Variants in ERC1 observed in about 807,000 individuals in gnomAD.
The protein encoded by ERC1 is RAB6 interacting protein 2.
In ERC1, 56 loss-of-function variants were observed where a neutral mutation model predicts 132.0. The observed-to-expected ratio is 0.42, with a 90% CI of 0.34 to 0.53. The LOEUF (loss-of-function observed/expected upper bound fraction) is 0.53. ERC1 is among the 20% of genes least tolerant of loss of function. ERC1 has a pLI of 0.03. For missense variants in ERC1, 1,202 were observed against 1,349.9 expected (o/e 0.89, Z 1.72); for synonymous variants, 478 against 476.1 (o/e 1.00, Z -0.05).
chr12:1,136,239 C>G (rs142101573), intron 7 of ERC1, among the ~76,000 whole-genome samples: 1 of 152,292 alleles, frequency 6.6e-6, no homozygotes, highest in Non-Finnish European at 1.5e-5. Context: ...TATGCTTTAG[C>G]AATTCTCTAT....
At position 1,056,211 on chromosome 12, in the gene ERC1, G is replaced by A. The variant is rs574079542; in HGVS notation, c.670-26953G>A. 4.0e-5 allele frequency among the ~76,000 whole-genome samples: 6 copies of A among 151,284 alleles called. No individual in the cohort carries two copies. The South Asian group carries it at 6.3e-4, about 16-fold the overall frequency. ...TTTATCTGTAATTCCTTTTTCCCCC[G>A]TAATGAACACGTTTCTAGTGTAATA... is the stretch of plus-strand genomic sequence containing the variant. On this transcript the variant is annotated intron_variant, in intron 2 of 18. Transcript: ENST00000360905.
chr12:1,418,632 TTTC>T lies in ERC1; in HGVS notation c.3024+10388_3024+10390del. Among the ~76,000 whole-genome samples, 4 of 109,646 alleles carry T rather than the reference TTTC, an allele frequency of 3.6e-5. 1 individual carries two copies. The highest frequency in any genetic ancestry group is 3.5e-4 in the Admixed American group (4 of 11,378). The allele number at this position is 109,646 out of a possible 152,430, so 71.9% of individuals were successfully genotyped here. A position where few individuals can be genotyped will look rare whatever the true frequency, so the allele number is the denominator to read the frequency against. On this transcript the variant is annotated intron_variant, in intron 17 of 18. Transcript: ENST00000360905. ...CTTTCTTTCTTTCTTTCTTTCTTTC[TTTC>T]TTTCTTTCTCTCTCTCTCTCTCTCT...
chr12:1,486,572 G>A (rs57724810), intron 18 of ERC1, among the ~76,000 whole-genome samples: 4,492 of 152,058 alleles, frequency 0.03, 231 homozygotes, highest in African/African-American at 0.1. Flanking sequence ...CTACAGGCAC[G>A]TGCCAGCATG....
intron 15 of ERC1, among the ~76,000 whole-genome samples, chr12:1,330,775 T>C (rs2082804225): frequency 6.6e-6 from 1 of 152,240 alleles, no homozygotes; most frequent in Non-Finnish European, 1.5e-5. Context: ...TTCTCTAATA[T>C]TTTGTTCTGC....
chr12:1,064,775 TTGGGATC>T (rs778184808), intron 2 of ERC1, among the ~76,000 whole-genome samples: 36 of 152,300 alleles, frequency 2.4e-4, no homozygotes, highest in Admixed American at 3.9e-4. Context: ...TGAATATGTT[TTGGGATC>T]TGTGAATACC....
intron 18 of ERC1, among the ~76,000 whole-genome samples, chr12:1,478,560 G>A (rs1384855272): frequency 1.3e-5 from 2 of 152,004 alleles, no homozygotes; most frequent in Non-Finnish European, 2.9e-5. Flanking sequence ...TTGGGAGGCC[G>A]AGGCGGGTGG....
At chr12:1,379,059 A>T (rs1002393530) in intron 16 of ERC1, among the ~76,000 whole-genome samples, 1 of 152,236 alleles carries the variant, frequency 6.6e-6, no homozygotes, top group African/African-American at 2.4e-5. Flanking sequence ...TGTAATACAC[A>T]TAGGGAATTT....
Position 1,329,273 on chromosome 12 carries a change from G to T in ERC1, c.2780+39261G>T, listed in dbSNP as rs183540328. ...CACGCCACTGCACTTCAGCTTGGGC[G>T]ACAGAGCAAGACTCTGAATCAAAAA... On this transcript the variant is annotated intron_variant, in intron 15 of 18. Coordinates refer to ENST00000360905, the MANE Select transcript of ERC1 (RefSeq NM_178040.4). Among the ~76,000 whole-genome samples the T allele has an allele frequency of 4.3e-5, 6 of 139,112 alleles. 1 individual carries two copies. The highest frequency in any genetic ancestry group is 1.6e-4 in the African/African-American group (6 of 36,392). The allele number at this position is 139,112 out of a possible 152,430, so 91.3% of individuals were successfully genotyped here. A position where few individuals can be genotyped will look rare whatever the true frequency, so the allele number is the denominator to read the frequency against.
chr12:1,333,577 C>T (rs555324478), intron 15 of ERC1, among the ~76,000 whole-genome samples: 3 of 152,030 alleles, frequency 2.0e-5, no homozygotes, highest in Non-Finnish European at 4.4e-5. Flanking sequence ...ATGATCCACC[C>T]ATCTCAGCCT....
chr12:1,446,431 C>G (rs1008785234), intron 18 of ERC1, among the ~76,000 whole-genome samples: 2 of 152,138 alleles, frequency 1.3e-5, no homozygotes, highest in Non-Finnish European at 2.9e-5. Context: ...ATTCCTTACC[C>G]CCTATAGATT....
chr12:1,025,282 C>T (rs912539563), intron 1 of ERC1, among the ~76,000 whole-genome samples: 1 of 152,094 alleles, frequency 6.6e-6, no homozygotes, highest in African/African-American at 2.4e-5. Context: ...ACATTTTTCC[C>T]CTTTATAACA....
intron 16 of ERC1, among the ~76,000 whole-genome samples, chr12:1,379,648 A>G (rs1476917798): frequency 6.6e-6 from 1 of 152,244 alleles, no homozygotes; most frequent in Non-Finnish European, 1.5e-5. Flanking sequence ...ACTGAGGGTC[A>G]GGAATTTGCA....
intron 5 of ERC1, among the ~76,000 whole-genome samples, 180 bp from the exon 6 acceptor site, chr12:1,112,035 G>A (rs987675234): frequency 4.9e-5 from 4 of 82,362 alleles, no homozygotes; most frequent in African/African-American, 1.8e-4. Flanking sequence ...TCCACTGTGG[G>A]GGGAAAAAAC....
intron 2 of ERC1, among the ~76,000 whole-genome samples, chr12:1,035,047 T>A (rs1448016307): frequency 6.6e-6 from 1 of 152,116 alleles, no homozygotes; most frequent in Non-Finnish European, 1.5e-5. Context: ...ATAACTTTGG[T>A]CCAAAAAACG....
In ERC1 at chr12:1,424,266, T is replaced by G. The variant is rs374384548; in HGVS notation, c.3024+16019T>G. On this transcript the variant is annotated intron_variant, in intron 17 of 18. Transcript: ENST00000360905. ...AAATCTTTAGAGAAAAAACTAATGA[T>G]TGAACATACAATGTCAGGTGTTTTC... 9.2e-5 allele frequency among the ~76,000 whole-genome samples: 14 copies of G among 152,278 alleles called. No homozygotes were observed. In the East Asian group the frequency reaches 2.5e-3, roughly 27 times the overall value.
rs375172351 is a variant in ERC1 at position 1,190,033 on chromosome 12, A to G, written c.2332A>G (p.Lys778Glu). Residue 778 changes from lysine to glutamate, a missense_variant, in exon 12 of 19, where the codon AAG becomes GAG. Coordinates refer to ENST00000360905, the MANE Select transcript of ERC1 (RefSeq NM_178040.4). Reference sequence around the variant, plus strand: ...AAATGAGAAGAATGACAAAGATAAGAAGATAGCTGAGTTGGAAAGGTAAGA... The same window carrying G: ...AAATGAGAAGAATGACAAAGATAAGGAGATAGCTGAGTTGGAAAGGTAAGA... The part of the protein sequence containing the change: ...VENEKNDKDK[K>E]IAELERQVKD... 1 of 1,613,460 alleles carries G rather than the reference A, an allele frequency of 6.2e-7. No individual in the cohort carries two copies. Among genetic ancestry groups the G allele is most frequent in the African/African-American group, 1.3e-5 (1 of 74,878 alleles).
At chr12:1,385,277 CCTAT>C (rs1053101560) in intron 16 of ERC1, among the ~76,000 whole-genome samples, 34 of 152,134 alleles carry the variant, frequency 2.2e-4, no homozygotes, top group African/African-American at 8.0e-4. Flanking sequence ...CAATTACCTT[CCTAT>C]CTTTTTTTTT....
rs549252455 is a variant in ERC1 at position 1,005,174 on chromosome 12, T to A, written c.-157+13852T>A. ...AAAGAAATCTTTATTTATTTTCACC[T>A]GGGGTTTCACTCTGTCACCCAGGCT... On this transcript the variant is annotated intron_variant, in intron 1 of 18. Coordinates refer to ENST00000360905, the MANE Select transcript of ERC1 (RefSeq NM_178040.4). 4.4e-4 allele frequency among the ~76,000 whole-genome samples: 67 copies of A among 152,224 alleles called. 1 individual carries two copies. The South Asian group carries it at 0.014, about 31-fold the overall frequency.
intron 17 of ERC1, among the ~76,000 whole-genome samples, chr12:1,415,600 A>G (rs1035511132): frequency 6.6e-6 from 1 of 152,230 alleles, no homozygotes; most frequent in East Asian, 1.9e-4. Context: ...GGAAGCCTTA[A>G]ATTTCTAGAG....
Sources: gnomAD v4.1 joint callset for allele counts (sites outside exome capture counted in the v4.1 genomes callset) on GRCh38, gnomAD v4.1.1 for gene constraint, MANE v1.5 for transcripts, NCBI Gene and HGNC (gene_info 2026-07-23, HGNC 2026-07-21) for gene names.